Variants in PCDHA8 observed in about 807,000 individuals in gnomAD.
PCDHA8 encodes the protein protocadherin alpha-8.
PCDHA8 carries 53 observed loss-of-function variants against 61.8 expected under a neutral mutation model. The ratio of observed to expected loss-of-function variants is 0.86; its 90% CI spans 0.69 to 1.08. PCDHA8 has a LOEUF of 1.08. Among genes scored for constraint, PCDHA8 ranks in the 50% least tolerant of loss-of-function variants. The pLI, the probability that PCDHA8 is intolerant of heterozygous loss-of-function variation, is 0.00. For missense variants in PCDHA8, 1,293 were observed against 1,245.0 expected, an observed-to-expected ratio of 1.04 and a Z score of -0.58; for synonymous variants, 618 against 556.6, an observed-to-expected ratio of 1.11 and a Z score of -1.55.
rs1019397100 is a variant in PCDHA8, at chr5:140,953,409, G to A, written c.2395-25540G>A. On this transcript the variant is annotated intron_variant, in intron 1 of 3. Transcript: ENST00000531613. ...TGTGGATTACAGTGCTGTTGCTCCTGGCTCCTCCCCTTTGTCCTTAAGCTG... is the reference window on the plus strand; with the variant it reads ...TGTGGATTACAGTGCTGTTGCTCCTAGCTCCTCCCCTTTGTCCTTAAGCTG... Among the ~76,000 whole-genome samples, 14 of 152,194 alleles carry A rather than the reference G, an allele frequency of 9.2e-5. No individual in the cohort carries two copies. The South Asian group carries it at 2.9e-3, about 32-fold the overall frequency.
Position 140,927,881 on chromosome 5 carries a change from T to C in PCDHA8, c.2395-51068T>C, listed in dbSNP as rs781982234. 10 of 1,613,978 alleles carry C rather than the reference T, an allele frequency of 6.2e-6. No homozygotes were observed. Among genetic ancestry groups the C allele is most frequent in the Non-Finnish European group, 8.5e-6 (10 of 1,180,010 alleles). Reference sequence around the variant, plus strand: ...AGCACCGCTAAACTGCTGGTGGAGGTGACTGACGTGAACGATCATGCCCCC... The same window carrying C: ...AGCACCGCTAAACTGCTGGTGGAGGCGACTGACGTGAACGATCATGCCCCC... On this transcript the variant is annotated intron_variant, in intron 1 of 3. Coordinates refer to ENST00000531613, the MANE Select transcript of PCDHA8 (RefSeq NM_018911.3).
At chr5:140,882,543 G>T (rs1357197569) in intron 1 of PCDHA8, 4 of 1,614,236 alleles carry the variant, frequency 2.5e-6, no homozygotes, top group Non-Finnish European at 3.4e-6. Context: ...CGGATCGACC[G>T]CGAGGAGCTG....
rs782776948 is a variant in PCDHA8 at position 141,009,898 on chromosome 5, A to T, written c.2814A>T (p.Lys938Asn). The T allele has an allele frequency of 5.6e-6, 9 of 1,613,182 alleles. No individual in the cohort carries two copies. Among genetic ancestry groups the T allele is most frequent in the Admixed American group, 1.7e-5 (1 of 59,722 alleles). The change falls in exon 4 of 4, where the codon AAA (lysine) becomes AAT (asparagine). Residue 938 changes from lysine (K) to asparagine (N), a missense_variant. Physicochemically the swap from Lys to Asn is moderately conservative, Grantham distance 94 (BLOSUM62 0). Transcript: ENST00000531613. ...AGGGTAACAAGACCCAGGAGAAAAA[A>T]GAGAAAGGGAACAGCACGACTGACA... ...KKKGNKTQEK[K>N]EKGNSTTDNS...
At chr5:141,009,255 G>A (rs2098403504) in intron 3 of PCDHA8, among the ~76,000 whole-genome samples, 1 of 152,162 alleles carries the variant, frequency 6.6e-6, no homozygotes. Context: ...CAGTGTTTGA[G>A]ACCAGCCTGG....
intron 3 of PCDHA8, among the ~76,000 whole-genome samples, chr5:140,984,456 C>T (rs545706582): frequency 8.5e-5 from 13 of 152,286 alleles, no homozygotes; most frequent in African/African-American, 3.1e-4. Context: ...TTCTTACTGT[C>T]CCAGCCCCTC....
intron 3 of PCDHA8, among the ~76,000 whole-genome samples, chr5:141,004,079 A>G (rs1192943756): frequency 1.3e-5 from 2 of 152,210 alleles, no homozygotes; most frequent in Non-Finnish European, 2.9e-5. Context: ...TTAGGGGTAG[A>G]AATGTGCTTC....
intron 1 of PCDHA8, chr5:140,859,356 A>T (rs1159666697): frequency 4.0e-6 from 1 of 251,742 alleles, no homozygotes; most frequent in African/African-American, 2.3e-5. Context: ...TACTGATCTG[A>T]TATATTGTAT....
intron 1 of PCDHA8, chr5:140,850,568 G>T (rs2150489760): frequency 1.3e-6 from 2 of 1,598,448 alleles, no homozygotes; most frequent in South Asian, 2.2e-5. Context: ...GCCCCGAGGT[G>T]ACGCTGGTGG....
chr5:140,928,697 G>C, intron 1 of PCDHA8: 9 of 1,614,124 alleles, frequency 5.6e-6, no homozygotes, highest in Non-Finnish European at 5.9e-6. Context: ...CACATCTCCC[G>C]GGCGTCTGAC....
Position 141,010,284 on chromosome 5 carries a change from A to G in PCDHA8, c.*347A>G. 6.4e-7 allele frequency: 1 copy of G among 1,551,156 alleles called. No homozygotes were observed. Among genetic ancestry groups the G allele is most frequent in the Non-Finnish European group, 8.7e-7 (1 of 1,146,860 alleles). On this transcript the variant is annotated 3_prime_UTR_variant, in exon 4 of 4. Coordinates refer to ENST00000531613, the MANE Select transcript of PCDHA8 (RefSeq NM_018911.3). ...GCTCCGGGGATCCTGTCTTGATGACACTTGCAGGGCAGGCTGAAAAGTTTT... is the reference window on the plus strand; with the variant it reads ...GCTCCGGGGATCCTGTCTTGATGACGCTTGCAGGGCAGGCTGAAAAGTTTT...
chr5:140,927,045 C>G, intron 1 of PCDHA8: 1 of 1,612,254 alleles, frequency 6.2e-7, no homozygotes, highest in Non-Finnish European at 8.5e-7. Context: ...CCGCTATGTC[C>G]TCGCGGAACT....
chr5:140,998,524 T>A (rs553357630), intron 3 of PCDHA8, among the ~76,000 whole-genome samples: 1 of 152,328 alleles, frequency 6.6e-6, no homozygotes, highest in East Asian at 1.9e-4. Flanking sequence ...TTATTCATAT[T>A]TATATCCCTA....
chr5:140,901,249 C>T (rs1554189685), intron 1 of PCDHA8, among the ~76,000 whole-genome samples: 1 of 151,994 alleles, frequency 6.6e-6, no homozygotes, highest in Admixed American at 6.6e-5. Flanking sequence ...TCCTTTGGTT[C>T]CCTGTGATTG....
At position 140,932,324 on chromosome 5, in the gene PCDHA8, A is replaced by C. The variant is rs188019504; in HGVS notation, c.2395-46625A>C. On this transcript the variant is annotated intron_variant, in intron 1 of 3. Coordinates refer to ENST00000531613, the MANE Select transcript of PCDHA8 (RefSeq NM_018911.3). Reference sequence around the variant, plus strand: ...AAAGGTATAAATATATTAATGTAGCAAAAATGCATGAAACACTTACCATAC... The same window carrying C: ...AAAGGTATAAATATATTAATGTAGCCAAAATGCATGAAACACTTACCATAC... Among the ~76,000 whole-genome samples the C allele has an allele frequency of 5.8e-3, 886 of 152,084 alleles. 7 individuals are homozygous for C. The highest frequency in any genetic ancestry group is 0.021 in the African/African-American group (858 of 41,564).
chr5:140,881,587 GAAAT>G (rs2058760366), intron 1 of PCDHA8, among the ~76,000 whole-genome samples: 1 of 152,186 alleles, frequency 6.6e-6, no homozygotes, highest in Non-Finnish European at 1.5e-5. Context: ...CACATTGAGG[GAAAT>G]TTATTAATAT....
intron 1 of PCDHA8, chr5:140,882,537 TCGACCGCGAGGAGCTGTGTGGGC>T (rs1554174449): frequency 1.2e-6 from 2 of 1,614,058 alleles, no homozygotes; most frequent in African/African-American, 2.7e-5. Flanking sequence ...AATTCTCGGA[TCGACCGCGAGGAGCTGTGTGGGC>T]GGAGCGCGGA....
chr5:140,846,015 G>C (rs567874372), intron 1 of PCDHA8, among the ~76,000 whole-genome samples: 1 of 149,618 alleles, frequency 6.7e-6, no homozygotes, highest in South Asian at 2.1e-4. Flanking sequence ...AAATCTAAAA[G>C]TTATTACGAG....
At chr5:140,992,332 A>G (rs1554252819) in intron 3 of PCDHA8, among the ~76,000 whole-genome samples, 1 of 152,202 alleles carries the variant, frequency 6.6e-6, no homozygotes, top group African/African-American at 2.4e-5. Context: ...TCTAAGAGCA[A>G]AGATGGAAAT....
chr5:140,994,189 G>T (rs992894961), intron 3 of PCDHA8, among the ~76,000 whole-genome samples: 2 of 152,176 alleles, frequency 1.3e-5, no homozygotes, highest in Admixed American at 6.5e-5. Context: ...AACCACCAGG[G>T]CCTGTTGGTC....
Sources: gnomAD v4.1 joint callset for allele counts (sites outside exome capture counted in the v4.1 genomes callset) on GRCh38, gnomAD v4.1.1 for gene constraint, MANE v1.5 for transcripts, NCBI Gene and HGNC (gene_info 2026-07-23, HGNC 2026-07-21) for gene names.